MMP2: variants seen among roughly 807,000 people sequenced by gnomAD.
MMP2 encodes 72 kDa type IV collagenase.
A neutral mutation model predicts 74.8 loss-of-function variants in MMP2; 39 were observed. That is an observed-to-expected ratio of 0.52 (90% CI 0.40 to 0.68). The LOEUF (loss-of-function observed/expected upper bound fraction) is 0.68, where lower values mean the gene tolerates loss of function less well. MMP2 is among the 30% of genes least tolerant of loss of function. The pLI, the probability that MMP2 is intolerant of heterozygous loss-of-function variation, is 0.00. For missense variants in MMP2, 803 were observed against 878.3 expected (o/e 0.91, Z 1.08); for synonymous variants, 367 against 339.8 (o/e 1.08, Z -0.88).
At chr16:55,482,560 T>C (rs1022645796) in intron 1 of MMP2, among the ~76,000 whole-genome samples, 1 of 152,240 alleles carries the variant, frequency 6.6e-6, no homozygotes, top group Non-Finnish European at 1.5e-5. Context: ...TTAACCTCTC[T>C]GTGCTTCAGT....
chr16:55,482,973 C>T lies in MMP2; in HGVS notation c.218C>T (p.Thr73Ile), dbSNP rs755591269. The change falls in exon 2 of 13, where the codon ACA becomes ATA. Residue 73 changes from threonine (T) to isoleucine (I), a missense_variant. Physicochemically the swap from Thr to Ile is moderately conservative, Grantham distance 89. Transcript: ENST00000219070. ...ESCNLFVLKD[T>I]LKKMQKFFGL... ...TGCAACCTGTTTGTGCTGAAGGACA[C>T]ACTAAAGAAGATGCAGAAGTTCTTT... is the stretch of plus-strand genomic sequence containing the variant. 2 of 1,614,222 alleles carry T rather than the reference C, an allele frequency of 1.2e-6. No homozygotes were observed. The highest frequency in any genetic ancestry group is 1.1e-5 in the South Asian group (1 of 91,074).
intron 7 of MMP2, among the ~76,000 whole-genome samples, chr16:55,490,777 A>G (rs1409050714): frequency 6.6e-6 from 1 of 152,224 alleles, no homozygotes; most frequent in Non-Finnish European, 1.5e-5. Context: ...GCTAGGACAC[A>G]GTCTGATTTT....
chr16:55,480,207 T>G (rs558414914), intron 1 of MMP2, among the ~76,000 whole-genome samples: 1 of 152,134 alleles, frequency 6.6e-6, no homozygotes, highest in East Asian at 1.9e-4. Context: ...CTAGGAACCT[T>G]CGGCACAGAT....
chr16:55,493,931 T>A lies in MMP2; in HGVS notation c.1472+638T>A, dbSNP rs547298765. Among the ~76,000 whole-genome samples, 5 of 152,304 alleles carry A rather than the reference T, an allele frequency of 3.3e-5. 1 individual carries two copies. Among genetic ancestry groups the A allele is most frequent in the African/African-American group, 1.2e-4 (5 of 41,570 alleles). On this transcript the variant is annotated intron_variant, in intron 9 of 12. Transcript: ENST00000219070. ...GCTATAGATAAAGATCACCACTCAGTTGACTAAAGACTGAGGTTTACCCTA... is the reference window on the plus strand; with the variant it reads ...GCTATAGATAAAGATCACCACTCAGATGACTAAAGACTGAGGTTTACCCTA...
intron 3 of MMP2, 138 bp downstream of exon 3, chr16:55,484,302 T>C: frequency 9.9e-7 from 1 of 1,009,982 alleles, no homozygotes; most frequent in South Asian, 1.5e-5. Context: ...CTGGGGGTGG[T>C]TTAGATGGGG....
chr16:55,501,812 T>C (rs1178157441), intron 11 of MMP2, among the ~76,000 whole-genome samples: 1 of 152,058 alleles, frequency 6.6e-6, no homozygotes, highest in African/African-American at 2.4e-5. Context: ...GCTACCAGGA[T>C]GGGATGCGAA....
intron 12 of MMP2, among the ~76,000 whole-genome samples, chr16:55,504,041 C>T (rs1458734592): frequency 2.0e-5 from 3 of 152,062 alleles, no homozygotes; most frequent in African/African-American, 7.2e-5. Context: ...ACCTGTAGTC[C>T]CAGCTACTGG....
In MMP2 at chr16:55,489,750, G is replaced by A. The variant is rs1397358458; in HGVS notation, c.1106G>A (p.Ser369Asn). 1 of 1,614,194 alleles carries A rather than the reference G, an allele frequency of 6.2e-7. No individual in the cohort carries two copies. The change falls in exon 7 of 13, where the codon AGT becomes AAT. Residue 369 changes from serine (S) to asparagine (N), a missense_variant. Coordinates refer to ENST00000219070, the MANE Select transcript of MMP2 (RefSeq NM_004530.6). ...KYESCTSAGR[S>N]DGKMWCATTA... ...GAGAGCTGCACCAGCGCCGGCCGCA[G>A]TGACGGAAAGATGTGGTGTGCGACC...
chr16:55,479,711 C>A (rs243862), intron 1 of MMP2, 79 bp downstream of exon 1: 2 of 1,587,680 alleles, frequency 1.3e-6, no homozygotes, highest in South Asian at 2.2e-5. Flanking sequence ...TCTCCCCCTG[C>A]CCTCGGCGGT....
intron 12 of MMP2, among the ~76,000 whole-genome samples, chr16:55,504,304 AC>A (rs1567383935): frequency 6.6e-6 from 1 of 152,202 alleles, no homozygotes; most frequent in Non-Finnish European, 1.5e-5. Flanking sequence ...ACAAAACAAA[AC>A]AAACTTGTGA....
chr16:55,492,034 G>A, intron 8 of MMP2, 78 bp downstream of exon 8: 2 of 1,412,692 alleles, frequency 1.4e-6, no homozygotes, highest in Non-Finnish European at 2.0e-6. Flanking sequence ...GGCCCAGGGG[G>A]TGGGACCAGC....
chr16:55,505,290 C>A, intron 12 of MMP2, 49 bp from the exon 13 acceptor site: 1 of 1,490,234 alleles, frequency 6.7e-7, no homozygotes, highest in Non-Finnish European at 9.4e-7. Flanking sequence ...CTTCTGTGTG[C>A]CAGAATGTCA....
Position 55,493,273 on chromosome 16 carries a change from G to T in MMP2, c.1452G>T (p.Glu484Asp). The change falls in exon 9 of 13, where the codon GAG becomes GAT. Residue 484 changes from glutamate to aspartate, a missense_variant. Physicochemically the swap from Glu to Asp is conservative, Grantham distance 45. Coordinates refer to ENST00000219070, the MANE Select transcript of MMP2 (RefSeq NM_004530.6). The part of the protein sequence containing the change: ...VFDGIAQIRG[E>D]IFFFKDRFIW... ...ATGGCATCGCTCAGATCCGTGGTGA[G>T]ATCTTCTTCTTCAAGGACCGGTGAG... 1 of 1,614,170 alleles carries T rather than the reference G, an allele frequency of 6.2e-7. No individual in the cohort carries two copies. The highest frequency in any genetic ancestry group is 1.1e-5 in the South Asian group (1 of 91,086).
chr16:55,499,168 CAA>C (rs57058103), intron 11 of MMP2, among the ~76,000 whole-genome samples: 4 of 132,012 alleles, frequency 3.0e-5, no homozygotes, highest in African/African-American at 2.8e-5. Flanking sequence ...GACTCCAACT[CAA>C]AAAAAAAAAA....
chr16:55,503,600 A>G (rs1427616889), intron 12 of MMP2, among the ~76,000 whole-genome samples: 2 of 152,092 alleles, frequency 1.3e-5, no homozygotes, highest in Admixed American at 1.3e-4. Context: ...GTGTACAATC[A>G]GATGCTAGAT....
In MMP2 at chr16:55,505,485, G is replaced by C. The variant is rs751617004; in HGVS notation, c.*43G>C. 18 of 1,545,992 alleles carry C rather than the reference G, an allele frequency of 1.2e-5. No individual in the cohort carries two copies. The highest frequency in any genetic ancestry group is 1.6e-5 in the Non-Finnish European group (18 of 1,118,606). On this transcript the variant is annotated 3_prime_UTR_variant, in exon 13 of 13. Transcript: ENST00000219070. ...CAGGCCCTTCCTCTCCACTGCCTTC[G>C]ATACACCGGGCCTGGAGAACTAGAG...
At chr16:55,496,809 C>A in intron 9 of MMP2, 117 bp from the exon 10 acceptor site, 1 of 1,390,550 alleles carries the variant, frequency 7.2e-7, no homozygotes, top group Non-Finnish European at 1.0e-6. Flanking sequence ...ATCCTGCCTC[C>A]CACTCCCATC....
intron 7 of MMP2, among the ~76,000 whole-genome samples, chr16:55,490,310 A>G (rs1359657091): frequency 1.3e-5 from 2 of 152,090 alleles, no homozygotes; most frequent in African/African-American, 2.4e-5. Flanking sequence ...ATCTGACACC[A>G]TGGTCCACGC....
intron 8 of MMP2, 74 bp downstream of exon 8, chr16:55,492,030 G>A: frequency 6.9e-7 from 1 of 1,459,188 alleles, no homozygotes; most frequent in Non-Finnish European, 9.5e-7. Context: ...TGGAGGCCCA[G>A]GGGGTGGGAC....
Sources: gnomAD v4.1 joint callset for allele counts (sites outside exome capture counted in the v4.1 genomes callset) on GRCh38, gnomAD v4.1.1 for gene constraint, MANE v1.5 for transcripts, NCBI Gene and HGNC (gene_info 2026-07-23, HGNC 2026-07-21) for gene names.